NFATC2: variants seen among roughly 807,000 people sequenced by gnomAD.
NFATC2 encodes nuclear factor of activated T cells 2.
Under a neutral mutation model 87.3 loss-of-function variants are expected in NFATC2, and 22 were observed. That is an observed-to-expected ratio of 0.25 (90% CI 0.18 to 0.36). NFATC2 has a LOEUF of 0.36. Ranked by LOEUF, NFATC2 falls within the 10% of genes least tolerant of loss-of-function variation. The pLI, the probability that NFATC2 is intolerant of heterozygous loss-of-function variation, is 1.00. For synonymous variants in NFATC2, 565 were observed against 542.2 expected (o/e 1.04, Z -0.58); for missense variants, 1,149 against 1,259.1 (o/e 0.91, Z 1.32).
At chr20:51,442,570 T>C (rs904605666) in intron 6 of NFATC2, among the ~76,000 whole-genome samples, 9 of 152,252 alleles carry the variant, frequency 5.9e-5, no homozygotes, top group African/African-American at 2.2e-4. Context: ...CCCAAGCTAC[T>C]CATATGGTTG....
intron 1 of NFATC2, among the ~76,000 whole-genome samples, chr20:51,535,613 C>T (rs2076707279): frequency 6.6e-6 from 1 of 152,256 alleles, no homozygotes; most frequent in African/African-American, 2.4e-5. Flanking sequence ...TTCCTCCCTA[C>T]TCCATGGCAA....
At chr20:51,475,131 G>A (rs1988598145) in intron 4 of NFATC2, among the ~76,000 whole-genome samples, 1 of 151,790 alleles carries the variant, frequency 6.6e-6, no homozygotes, top group African/African-American at 2.4e-5. Flanking sequence ...ACCATACCCA[G>A]CTAATTTTTG....
chr20:51,443,354 T>C (rs1179626915), intron 6 of NFATC2, among the ~76,000 whole-genome samples: 1 of 152,224 alleles, frequency 6.6e-6, no homozygotes, highest in Non-Finnish European at 1.5e-5. Flanking sequence ...CACATAACAG[T>C]TGCTCAATTA....
intron 10 of NFATC2, among the ~76,000 whole-genome samples, chr20:51,395,587 A>G (rs1057361474): frequency 4.7e-5 from 2 of 42,774 alleles, no homozygotes; most frequent in African/African-American, 2.6e-4. Flanking sequence ...TAAAAGACTG[A>G]TGGAGAATGA....
chr20:51,421,711 C>T (rs751144308), intron 9 of NFATC2, among the ~76,000 whole-genome samples: 2 of 152,134 alleles, frequency 1.3e-5, no homozygotes, highest in Non-Finnish European at 2.9e-5. Flanking sequence ...GTCAGAAATC[C>T]CTATTTTTAT....
intron 9 of NFATC2, among the ~76,000 whole-genome samples, chr20:51,429,111 T>A (rs1982298836): frequency 6.6e-6 from 1 of 152,244 alleles, no homozygotes; most frequent in Admixed American, 6.5e-5. Context: ...CTAGAGCTGA[T>A]GGTGGCATAT....
At chr20:51,407,266 C>T (rs1412046285) in intron 9 of NFATC2, among the ~76,000 whole-genome samples, 1 of 152,218 alleles carries the variant, frequency 6.6e-6, no homozygotes, top group Non-Finnish European at 1.5e-5. Context: ...GCCACCCCAT[C>T]ATGCCCTGTC....
intron 9 of NFATC2, among the ~76,000 whole-genome samples, chr20:51,425,380 G>GT (rs1163683666): frequency 6.6e-6 from 1 of 152,238 alleles, no homozygotes; most frequent in African/African-American, 2.4e-5. Context: ...GGTTACTGGT[G>GT]TACCAGCAAG....
chr20:51,487,517 A>C (rs1989815693), intron 3 of NFATC2, among the ~76,000 whole-genome samples: 1 of 152,162 alleles, frequency 6.6e-6, no homozygotes, highest in African/African-American at 2.4e-5. Context: ...AAACAAAAAC[A>C]TTCCCAGGAA....
At chr20:51,448,473 C>T (rs1375555152) in intron 6 of NFATC2, among the ~76,000 whole-genome samples, 1 of 152,206 alleles carries the variant, frequency 6.6e-6, no homozygotes, top group East Asian at 1.9e-4. Context: ...AACCCCGTCT[C>T]TACTAAACAA....
intron 1 of NFATC2, among the ~76,000 whole-genome samples, chr20:51,541,975 C>T (rs1375947514): frequency 2.0e-5 from 3 of 152,160 alleles, no homozygotes; most frequent in African/African-American, 7.2e-5. Flanking sequence ...CCTGCTAACT[C>T]CATTCTTCGC....
At chr20:51,437,902 G>T (rs1340647210) in intron 6 of NFATC2, among the ~76,000 whole-genome samples, 1 of 152,206 alleles carries the variant, frequency 6.6e-6, no homozygotes. Flanking sequence ...AGCTCCAAAG[G>T]CTGCTGGTGA....
chr20:51,426,573 G>C (rs1042321843), intron 9 of NFATC2, among the ~76,000 whole-genome samples: 9 of 152,172 alleles, frequency 5.9e-5, no homozygotes, highest in Non-Finnish European at 1.2e-4. Flanking sequence ...CACAGCCTTT[G>C]AAGGGAGGAA....
At chr20:51,549,339 C>G (rs1192693767) in intron 1 of NFATC2, among the ~76,000 whole-genome samples, 2 of 152,270 alleles carry the variant, frequency 1.3e-5, no homozygotes, top group East Asian at 3.9e-4. Flanking sequence ...ACGGTGCAAT[C>G]TCAGCTCACC....
At chr20:51,534,304 C>T (rs886239195) in intron 1 of NFATC2, among the ~76,000 whole-genome samples, 3 of 152,120 alleles carry the variant, frequency 2.0e-5, no homozygotes, top group African/African-American at 7.2e-5. Context: ...GTAGCATGCA[C>T]GTGTGTCTAT....
intron 2 of NFATC2, among the ~76,000 whole-genome samples, chr20:51,518,226 T>C (rs1383309320): frequency 1.3e-5 from 2 of 152,228 alleles, no homozygotes; most frequent in African/African-American, 4.8e-5. Flanking sequence ...AGCATCACTA[T>C]GGATTTATGT....
At chr20:51,427,514 G>A (rs769309329) in intron 9 of NFATC2, among the ~76,000 whole-genome samples, 19 of 152,148 alleles carry the variant, frequency 1.2e-4, no homozygotes, top group African/African-American at 2.2e-4. Flanking sequence ...CTCCTGTCAC[G>A]GGATTCGTTT....
At chr20:51,431,793 G>A (rs531427015) in intron 9 of NFATC2, among the ~76,000 whole-genome samples, 48 of 152,008 alleles carry the variant, frequency 3.2e-4, no homozygotes, top group African/African-American at 1.1e-3. Flanking sequence ...AGGGGATGCC[G>A]GGTTGCCCTC....
At chr20:51,502,874 AAGAGCCT>A (rs1473167981) in intron 3 of NFATC2, among the ~76,000 whole-genome samples, 2 of 152,196 alleles carry the variant, frequency 1.3e-5, no homozygotes, top group African/African-American at 4.8e-5. Flanking sequence ...GTTTCATGGG[AAGAGCCT>A]ACTTGGTTAA....
Sources: allele counts gnomAD v4.1 joint callset (sites outside exome capture counted in the v4.1 genomes callset), GRCh38; gene constraint gnomAD v4.1.1; transcripts MANE v1.5; gene names NCBI Gene and HGNC (gene_info 2026-07-23, HGNC 2026-07-21).